TMTC2: variants seen among roughly 807,000 people sequenced by gnomAD.
TMTC2 encodes the protein transmembrane O-mannosyltransferase targeting cadherins 2.
In TMTC2, 43 loss-of-function variants were observed where a neutral mutation model predicts 82.4. The ratio of observed to expected loss-of-function variants is 0.52; its 90% CI spans 0.41 to 0.67. TMTC2 has a LOEUF of 0.67. Among genes scored for constraint, TMTC2 ranks in the 30% least tolerant of loss-of-function variants. TMTC2 has a pLI of 0.00. For missense variants in TMTC2, 919 were observed against 1,012.4 expected (o/e 0.91, Z 1.25); for synonymous variants, 408 against 381.9 (o/e 1.07, Z -0.80).
chr12:83,111,593 TTTA>T (rs1464436261), intron 11 of TMTC2, among the ~76,000 whole-genome samples: 1 of 152,210 alleles, frequency 6.6e-6, no homozygotes, highest in Non-Finnish European at 1.5e-5. Context: ...CTTTCTTTTT[TTTA>T]TTGTTTTTAT....
intron 1 of TMTC2, among the ~76,000 whole-genome samples, chr12:82,826,848 T>C (rs1365596403): frequency 1.3e-5 from 2 of 152,210 alleles, no homozygotes; most frequent in Non-Finnish European, 2.9e-5. Flanking sequence ...GCCCTATCCA[T>C]ATTTATGAAA....
chr12:83,008,017 AT>A (rs201778512), intron 8 of TMTC2, among the ~76,000 whole-genome samples: 4 of 152,184 alleles, frequency 2.6e-5, no homozygotes, highest in African/African-American at 9.7e-5. Flanking sequence ...AGGTAAGGTG[AT>A]TTTTTCCCCC....
chr12:83,083,824 T>C (rs2137508201), intron 11 of TMTC2, among the ~76,000 whole-genome samples: 1 of 152,320 alleles, frequency 6.6e-6, no homozygotes, highest in South Asian at 2.1e-4. Context: ...AGCAGTCTTT[T>C]ACAGTGTTGG....
chr12:82,825,859 C>A (rs1246184597), intron 1 of TMTC2, among the ~76,000 whole-genome samples: 3 of 151,672 alleles, frequency 2.0e-5, no homozygotes, highest in African/African-American at 7.3e-5. Context: ...GGAAAGCACA[C>A]ACACACACAC....
intron 4 of TMTC2, among the ~76,000 whole-genome samples, chr12:82,958,929 A>C (rs1337911465): frequency 6.6e-6 from 1 of 152,150 alleles, no homozygotes; most frequent in Non-Finnish European, 1.5e-5. Flanking sequence ...AGAAAACCCT[A>C]AAGACTCTGC....
chr12:83,050,179 G>A (rs537995966), intron 9 of TMTC2, among the ~76,000 whole-genome samples: 54 of 152,184 alleles, frequency 3.5e-4, no homozygotes, highest in African/African-American at 1.2e-3. Flanking sequence ...TTGAATATCC[G>A]TATCAGATAA....
chr12:82,783,875 C>A (rs1374209999), intron 1 of TMTC2, among the ~76,000 whole-genome samples: 4 of 152,008 alleles, frequency 2.6e-5, no homozygotes, highest in Non-Finnish European at 5.9e-5. Flanking sequence ...TCTTGGTTTG[C>A]TCAATTGTTG....
chr12:82,858,132 G>T (rs1030913170), intron 2 of TMTC2, among the ~76,000 whole-genome samples: 1 of 152,170 alleles, frequency 6.6e-6, no homozygotes, highest in Non-Finnish European at 1.5e-5. Flanking sequence ...AACAGAAAAT[G>T]GTTATTATTG....
At chr12:83,015,010 G>A (rs1880613094) in intron 8 of TMTC2, among the ~76,000 whole-genome samples, 2 of 151,984 alleles carry the variant, frequency 1.3e-5, no homozygotes, top group African/African-American at 4.8e-5. Flanking sequence ...GCTTTTCTAG[G>A]GATCAACCTT....
chr12:83,051,994 T>C (rs995826541), intron 10 of TMTC2, among the ~76,000 whole-genome samples: 2 of 152,110 alleles, frequency 1.3e-5, no homozygotes, highest in Admixed American at 6.6e-5. Flanking sequence ...GTTAGTTATA[T>C]ATATATGTAC....
At chr12:82,825,897 T>C (rs2137069845) in intron 1 of TMTC2, among the ~76,000 whole-genome samples, 1 of 151,926 alleles carries the variant, frequency 6.6e-6, no homozygotes, top group African/African-American at 2.4e-5. Flanking sequence ...CAGTGTCAGA[T>C]TGCTGGAGAT....
chr12:83,011,376 C>T lies in TMTC2; in HGVS notation c.2071-19422C>T, dbSNP rs146041890. Reference sequence around the variant, plus strand: ...TGTAAAATGAGGGAAAAAGCATTTTCTTGTTGAGCAGTTAAATGAGTCCAT... The same window carrying T: ...TGTAAAATGAGGGAAAAAGCATTTTTTTGTTGAGCAGTTAAATGAGTCCAT... On this transcript the variant is annotated intron_variant, in intron 8 of 11. Transcript: ENST00000321196. Among the ~76,000 whole-genome samples, 29 of 152,240 alleles carry T rather than the reference C, an allele frequency of 1.9e-4. No individual in the cohort carries two copies. The East Asian group carries it at 5.0e-3, about 26-fold the overall frequency.
chr12:83,125,212 A>G (rs1314809093), intron 11 of TMTC2, among the ~76,000 whole-genome samples: 2 of 152,150 alleles, frequency 1.3e-5, no homozygotes, highest in Non-Finnish European at 2.9e-5. Context: ...GATTTCTATC[A>G]TTACCTTGAG....
At chr12:83,077,880 C>CTTTTTT (rs751044763) in intron 11 of TMTC2, among the ~76,000 whole-genome samples, 8 of 92,950 alleles carry the variant, frequency 8.6e-5, no homozygotes, top group Non-Finnish European at 1.2e-4. Context: ...GACAATCTGT[C>CTTTTTT]TTTTTTTTTT....
At chr12:82,952,677 C>G (rs1877409225) in intron 4 of TMTC2, among the ~76,000 whole-genome samples, 1 of 152,116 alleles carries the variant, frequency 6.6e-6, no homozygotes, top group African/African-American at 2.4e-5. Flanking sequence ...TCCCTAGTAG[C>G]TGGAACTACA....
chr12:82,789,212 C>G (rs1417770119), intron 1 of TMTC2, among the ~76,000 whole-genome samples: 1 of 152,026 alleles, frequency 6.6e-6, no homozygotes, highest in Non-Finnish European at 1.5e-5. Flanking sequence ...GTTTTCTAAT[C>G]TTGTGAATTG....
At chr12:83,007,265 C>T (rs557596840) in intron 8 of TMTC2, among the ~76,000 whole-genome samples, 1 of 151,884 alleles carries the variant, frequency 6.6e-6, no homozygotes, top group African/African-American at 2.4e-5. Flanking sequence ...TATCTAGTTT[C>T]TTGAGGTATA....
At chr12:82,961,289 G>A (rs1877919459) in intron 4 of TMTC2, among the ~76,000 whole-genome samples, 1 of 151,084 alleles carries the variant, frequency 6.6e-6, no homozygotes, top group South Asian at 2.1e-4. Context: ...AAATAAAAAA[G>A]GGTTTTCTCA....
At chr12:83,046,001 TC>T in intron 9 of TMTC2, among the ~76,000 whole-genome samples, 1 of 152,216 alleles carries the variant, frequency 6.6e-6, no homozygotes, top group Middle Eastern at 3.4e-3. Context: ...CACTTGCCTT[TC>T]AAGTCACCCA....
Sources: allele counts gnomAD v4.1 joint callset (sites outside exome capture counted in the v4.1 genomes callset), GRCh38; gene constraint gnomAD v4.1.1; transcripts MANE v1.5; gene names NCBI Gene and HGNC (gene_info 2026-07-23, HGNC 2026-07-21).